Variants in DIP2C observed in about 807,000 individuals in gnomAD.
DIP2C encodes the protein disco-interacting protein 2 homolog C.
DIP2C carries 33 observed loss-of-function variants against 192.4 expected under a neutral mutation model. The ratio of observed to expected loss-of-function variants is 0.17; its 90% CI spans 0.13 to 0.23. The LOEUF is 0.23. Among genes scored for constraint, DIP2C ranks in the 10% least tolerant of loss-of-function variants. The pLI is 1.00. For missense variants in DIP2C, 1,537 were observed against 2,110.1 expected (o/e 0.73, Z 5.32); for synonymous variants, 979 against 864.1 (o/e 1.13, Z -2.33).
At chr10:316,303 G>T (rs778928064) in intron 31 of DIP2C, among the ~76,000 whole-genome samples, 7 of 152,308 alleles carry the variant, frequency 4.6e-5, no homozygotes, top group Admixed American at 1.3e-4. Context: ...CCCCAGAAAA[G>T]AATTTACAAG....
intron 29 of DIP2C, among the ~76,000 whole-genome samples, chr10:334,755 T>G (rs1957675730): frequency 6.6e-6 from 1 of 152,246 alleles, no homozygotes; most frequent in Admixed American, 6.5e-5. Context: ...AGGGTTTATT[T>G]CTGGACTCTC....
intron 1 of DIP2C, among the ~76,000 whole-genome samples, chr10:589,937 G>A (rs988568705): frequency 2.6e-5 from 4 of 152,220 alleles, no homozygotes; most frequent in African/African-American, 4.8e-5. Flanking sequence ...AAGAACTGCT[G>A]AGAAGCGTGT....
chr10:567,197 TG>T (rs1564206629), intron 1 of DIP2C, among the ~76,000 whole-genome samples: 1 of 129,384 alleles, frequency 7.7e-6, no homozygotes, highest in East Asian at 2.1e-4. Context: ...TGTTTTGTTT[TG>T]TTTTTTTTAA....
chr10:285,154 A>C (rs1955034392), intron 34 of DIP2C, among the ~76,000 whole-genome samples: 1 of 7,732 alleles, frequency 1.3e-4, no homozygotes, highest in South Asian at 4.7e-3. Flanking sequence ...GTGAGGGGCC[A>C]AAAAAAAAAA....
chr10:343,266 G>C (rs574181508), intron 28 of DIP2C, among the ~76,000 whole-genome samples: 1 of 152,344 alleles, frequency 6.6e-6, no homozygotes, highest in African/African-American at 2.4e-5. Context: ...TCCAGCCTGG[G>C]CAACAGAGCA....
At chr10:534,418 G>A (rs887535646) in intron 1 of DIP2C, among the ~76,000 whole-genome samples, 30 of 152,214 alleles carry the variant, frequency 2.0e-4, no homozygotes, top group African/African-American at 5.5e-4. Flanking sequence ...AACCAGCCCC[G>A]ACCTTCATCT....
chr10:361,170 A>G (rs1959439465), intron 22 of DIP2C, among the ~76,000 whole-genome samples: 1 of 152,206 alleles, frequency 6.6e-6, no homozygotes, highest in South Asian at 2.1e-4. Context: ...CTAAATATAT[A>G]TATACTATTT....
intron 1 of DIP2C, among the ~76,000 whole-genome samples, chr10:554,210 GTAAC>G (rs926158449): frequency 9.2e-5 from 14 of 152,256 alleles, no homozygotes; most frequent in African/African-American, 2.9e-4. Context: ...GGTATAGCTT[GTAAC>G]TAACAGTGGC....
At chr10:290,280 G>A (rs529774329) in intron 32 of DIP2C, among the ~76,000 whole-genome samples, 14 of 152,332 alleles carry the variant, frequency 9.2e-5, no homozygotes, top group South Asian at 2.1e-4. Flanking sequence ...GGAACACGCC[G>A]ATAGGCTTGA....
In DIP2C at chr10:344,089, T is replaced by C. The variant is rs1397173607; in HGVS notation, c.3453+720A>G. Among the ~76,000 whole-genome samples, 3 of 152,262 alleles carry C rather than the reference T, an allele frequency of 2.0e-5. No individual in the cohort carries two copies. In the East Asian group the frequency reaches 5.8e-4, roughly 29 times the overall value. On this transcript the variant is annotated intron_variant, in intron 28 of 36. Coordinates refer to ENST00000280886, the MANE Select transcript of DIP2C (RefSeq NM_014974.3). ...TACTCTACGTCAGACGCTGAGACTA[T>C]AAGCGGGCCATGAAACGGTATGACT...
Position 410,198 on chromosome 10 carries a change from G to A in DIP2C, c.1058-1181C>T, listed in dbSNP as rs902918425. 3.3e-5 allele frequency among the ~76,000 whole-genome samples: 5 copies of A among 152,186 alleles called. No homozygotes were observed. In the East Asian group the frequency reaches 7.7e-4, roughly 23 times the overall value. On this transcript the variant is annotated intron_variant, in intron 8 of 36. Coordinates refer to ENST00000280886, the MANE Select transcript of DIP2C (RefSeq NM_014974.3). The stretch of plus-strand genomic sequence containing the variant: ...TATTTATCCCCTTGCTAATGAGAAC[G>A]TGAAGAGAATGATTATCTTTGATTG...
intron 9 of DIP2C, among the ~76,000 whole-genome samples, chr10:406,192 C>T (rs1231729592): frequency 6.6e-6 from 1 of 152,214 alleles, no homozygotes; most frequent in Non-Finnish European, 1.5e-5. Flanking sequence ...AACCACATTA[C>T]AGATAAAGGA....
chr10:597,831 G>A (rs536196093), intron 1 of DIP2C, among the ~76,000 whole-genome samples: 1 of 152,300 alleles, frequency 6.6e-6, no homozygotes, highest in East Asian at 1.9e-4. Flanking sequence ...ACACCCATGA[G>A]GTCCTAGGGG....
intron 32 of DIP2C, among the ~76,000 whole-genome samples, chr10:305,994 T>TATATATATATATATA (rs201950305): frequency 1.3e-5 from 2 of 148,670 alleles, no homozygotes; most frequent in African/African-American, 5.1e-5. Flanking sequence ...TATATATATA[T>TATATATATATATATA]TATATTTTTT....
chr10:662,979 G>C, intron 1 of DIP2C: 1 of 715,862 alleles, frequency 1.4e-6, no homozygotes, highest in Non-Finnish European at 2.6e-6. Context: ...ATGCTGATTG[G>C]TTTTATCTGA....
chr10:355,773 G>A (rs1455666683), intron 24 of DIP2C, among the ~76,000 whole-genome samples: 6 of 152,110 alleles, frequency 3.9e-5, no homozygotes, highest in Non-Finnish European at 5.9e-5. Flanking sequence ...CATAACTTCT[G>A]GTGTATAAAA....
chr10:684,413 C>A (rs1355761808), intron 1 of DIP2C, among the ~76,000 whole-genome samples: 1 of 152,232 alleles, frequency 6.6e-6, no homozygotes, highest in Non-Finnish European at 1.5e-5. Context: ...CCCACTGACC[C>A]TCCTACCCTC....
At position 655,600 on chromosome 10, in the gene DIP2C, C is replaced by T. The variant is rs139326188; in HGVS notation, c.85+33894G>A. On this transcript the variant is annotated intron_variant, in intron 1 of 36. Coordinates refer to ENST00000280886, the MANE Select transcript of DIP2C (RefSeq NM_014974.3). Reference sequence around the variant, plus strand: ...CTCTGTTCTGTGCTTTGCGACTCTACTACTGCACACCATGCTATGTAATAT... The same window carrying T: ...CTCTGTTCTGTGCTTTGCGACTCTATTACTGCACACCATGCTATGTAATAT... 2.1e-3 allele frequency among the ~76,000 whole-genome samples: 321 copies of T among 152,320 alleles called. 2 individuals are homozygous for T. Among genetic ancestry groups the T allele is most frequent in the African/African-American group, 7.3e-3 (305 of 41,572 alleles).
At position 417,758 on chromosome 10, in the gene DIP2C, CCCTGTCCACCTGCACCTGTCAGGGCTCG is replaced by C. The variant is rs1384384614; in HGVS notation, c.739+1279_739+1306del. ...CGCCTGTCAGGGCTCGGATAGGCATCCCTGTCCACCTGCACCTGTCAGGGCTCGGATAGGCCTCCCTGTCCACCTGTTC... is the reference window on the plus strand; with the variant it reads ...CGCCTGTCAGGGCTCGGATAGGCATCGATAGGCCTCCCTGTCCACCTGTTC... On this transcript the variant is annotated intron_variant, in intron 6 of 36. Coordinates refer to ENST00000280886, the MANE Select transcript of DIP2C (RefSeq NM_014974.3). Among the ~76,000 whole-genome samples the C allele has an allele frequency of 1.3e-3, 170 of 130,854 alleles. 20 individuals carry two copies. The highest frequency in any genetic ancestry group is 1.9e-3 in the Non-Finnish European group (119 of 62,196). The allele number at this position is 130,854 out of a possible 152,430, so 85.8% of individuals were successfully genotyped here. A position where few individuals can be genotyped will look rare whatever the true frequency, so the allele number is the denominator to read the frequency against.
Sources: gnomAD v4.1 joint callset for allele counts (sites outside exome capture counted in the v4.1 genomes callset) on GRCh38, gnomAD v4.1.1 for gene constraint, MANE v1.5 for transcripts, NCBI Gene and HGNC (gene_info 2026-07-23, HGNC 2026-07-21) for gene names.